STAB1: variants seen among roughly 807,000 people sequenced by gnomAD.
The protein encoded by STAB1 is stabilin-1.
Under a neutral mutation model 332.4 loss-of-function variants are expected in STAB1, and 250 were observed. That is an observed-to-expected ratio of 0.75 (90% CI 0.68 to 0.84). The LOEUF is 0.84. Ranked by LOEUF, STAB1 falls within the 40% of genes least tolerant of loss-of-function variation. The pLI is 0.00. For synonymous variants in STAB1, 1,475 were observed against 1,390.4 expected (o/e 1.06, Z -1.35); for missense variants, 3,249 against 3,489.7 (o/e 0.93, Z 1.74).
chr3:52,523,534 C>G lies in STAB1; in HGVS notation c.7248C>G (p.Ile2416Met), dbSNP rs751391474. ...LLPAHSGLSL[I>M]ISDAGPDNSS... ...CGGCCCACTCAGGCCTCAGCCTCAT[C>G]ATCAGTGACGCAGGCCCTGACAACA... Residue 2416 changes from isoleucine to methionine, a missense_variant, in exon 65 of 69, where the codon ATC becomes ATG. By Grantham distance (10) the Ile-to-Met change is conservative. Transcript: ENST00000321725. The G allele has an allele frequency of 1.2e-6, 2 of 1,612,928 alleles. No homozygotes were observed. Among genetic ancestry groups the G allele is most frequent in the Non-Finnish European group, 1.7e-6 (2 of 1,180,000 alleles).
chr3:52,522,256 C>A, intron 59 of STAB1, 26 bp downstream of exon 59: 5 of 1,611,750 alleles, frequency 3.1e-6, no homozygotes, highest in Non-Finnish European at 4.2e-6. Context: ...AACCGAGTAG[C>A]CAGGGTGGGG....
chr3:52,514,112 T>A lies in STAB1; in HGVS notation c.3448-3T>A. 1.9e-6 allele frequency: 3 copies of A among 1,613,064 alleles called. No homozygotes were observed. The highest frequency in any genetic ancestry group is 2.5e-6 in the Non-Finnish European group (3 of 1,179,712). On this transcript the variant is annotated splice_polypyrimidine_tract_variant and splice_region_variant and intron_variant, in intron 32 of 68. Coordinates refer to ENST00000321725, the MANE Select transcript of STAB1 (RefSeq NM_015136.3). Reference sequence around the variant, plus strand: ...CCATCCCTGACCTCCACCCCATCCCTAGCACCATGGGTTGGTGCCCCAGAT... The same window carrying A: ...CCATCCCTGACCTCCACCCCATCCCAAGCACCATGGGTTGGTGCCCCAGAT...
chr3:52,522,252 G>T, intron 59 of STAB1, 22 bp downstream of exon 59: 1 of 1,611,844 alleles, frequency 6.2e-7, no homozygotes, highest in South Asian at 1.1e-5. Context: ...GGGGAACCGA[G>T]TAGCCAGGGT....
rs760225990 is a variant in STAB1 at position 52,513,909 on chromosome 3, G to T, written c.3375G>T (p.Val1125=). ...SQVLLPPRGD[V]PGGQGLLQQL... ...TCTTACTGCCCCCCCGAGGGGATGT[G>T]CCCGGTGGGCAGGGGTTGCTGCAGC... Residue 1125 remains valine (V), a synonymous_variant, in exon 32 of 69, where the codon GTG becomes GTT. Transcript: ENST00000321725. The T allele has an allele frequency of 2.5e-6, 4 of 1,604,932 alleles. No individual in the cohort carries two copies. In the African/African-American group the frequency reaches 4.0e-5, roughly 16 times the overall value.
Position 52,524,368 on chromosome 3 carries a change from C to A in STAB1, c.*12C>A. 6.2e-7 allele frequency: 1 copy of A among 1,613,622 alleles called. No homozygotes were observed. The highest frequency in any genetic ancestry group is 8.5e-7 in the Non-Finnish European group (1 of 1,179,968). ...TCACAGTCAAGTGACGAGGCTGGGG[C>A]TGAAAGCAGAAGCATGCACAGGGAG... On this transcript the variant is annotated 3_prime_UTR_variant, in exon 69 of 69. Coordinates refer to ENST00000321725, the MANE Select transcript of STAB1 (RefSeq NM_015136.3).
Position 52,513,216 on chromosome 3 carries a change from G to C in STAB1, c.3245G>C (p.Arg1082Pro). ...QEVATLNPTT[R>P]WEIRNISGRV... ...GTGGCCACCCTGAACCCCACCACAC[G>C]CTGGGAGATTCGCAACATTAGTGGG... is the stretch of plus-strand genomic sequence containing the variant. The change falls in exon 30 of 69, where the codon CGC (arginine) becomes CCC (proline). Residue 1082 changes from arginine to proline, a missense_variant. Physicochemically the swap from Arg to Pro is moderately radical, Grantham distance 103 (BLOSUM62 -2). Transcript: ENST00000321725. 2 of 1,583,598 alleles carry C rather than the reference G, an allele frequency of 1.3e-6. No individual in the cohort carries two copies. Among genetic ancestry groups the C allele is most frequent in the Non-Finnish European group, 1.7e-6 (2 of 1,165,662 alleles).
chr3:52,517,468 C>CGG, intron 43 of STAB1, 75 bp downstream of exon 43: 1 of 1,580,774 alleles, frequency 6.3e-7, no homozygotes, highest in South Asian at 1.2e-5. Context: ...AGGGCAGGCC[C>CGG]GGGGAGGGGG....
At chr3:52,509,732 G>C in intron 22 of STAB1, 138 bp from the exon 23 acceptor site, 1 of 859,966 alleles carries the variant, frequency 1.2e-6, no homozygotes, top group Admixed American at 2.5e-5. Flanking sequence ...TTGAGTCTGA[G>C]ATAACCTCTG....
chr3:52,497,629 T>G (rs1353541180), intron 1 of STAB1, among the ~76,000 whole-genome samples: 3 of 151,888 alleles, frequency 2.0e-5, no homozygotes, highest in Non-Finnish European at 2.9e-5. Context: ...GCCAGCCTGG[T>G]CTCGAACTCC....
intron 44 of STAB1, 44 bp from the exon 45 acceptor site, chr3:52,517,837 G>C (rs2078925666): frequency 6.2e-7 from 1 of 1,611,554 alleles, no homozygotes; most frequent in African/African-American, 1.3e-5. Flanking sequence ...GGATAGAGAA[G>C]TAGTGAAAGC....
intron 1 of STAB1, among the ~76,000 whole-genome samples, chr3:52,498,895 C>T (rs1050894783): frequency 1.3e-5 from 2 of 152,338 alleles, no homozygotes; most frequent in Middle Eastern, 3.4e-3. Flanking sequence ...CCAGCTCCGC[C>T]GTTCAACACA....
At chr3:52,507,839 C>A in intron 19 of STAB1, 92 bp from the exon 20 acceptor site, 1 of 1,463,860 alleles carries the variant, frequency 6.8e-7, no homozygotes, top group South Asian at 1.2e-5. Flanking sequence ...GTTCTGGACC[C>A]AGGGGGCAGA....
At position 52,513,708 on chromosome 3, in the gene STAB1, G is replaced by C; in HGVS notation, c.3271-9G>C. On this transcript the variant is annotated splice_polypyrimidine_tract_variant and intron_variant, in intron 30 of 68. Coordinates refer to ENST00000321725, the MANE Select transcript of STAB1 (RefSeq NM_015136.3). Reference sequence around the variant, plus strand: ...CCACCTGTGGCTAAGCTCTGCTGCTGCCTTCCAGAGGGTCTGGGTGCAGAA... The same window carrying C: ...CCACCTGTGGCTAAGCTCTGCTGCTCCCTTCCAGAGGGTCTGGGTGCAGAA... 6.2e-7 allele frequency: 1 copy of C among 1,612,242 alleles called. No homozygotes were observed. The highest frequency in any genetic ancestry group is 8.5e-7 in the Non-Finnish European group (1 of 1,179,750).
Position 52,520,626 on chromosome 3 carries a change from C to T in STAB1, c.5650-16C>T. The T allele has an allele frequency of 1.9e-6, 3 of 1,612,924 alleles. No homozygotes were observed. Among genetic ancestry groups the T allele is most frequent in the South Asian group, 1.1e-5 (1 of 91,082 alleles). The stretch of plus-strand genomic sequence containing the variant: ...CATCCACCTGACTTTGCTGTATTGG[C>T]CTCCCTCCCTTCCAGAACACCTGCA... On this transcript the variant is annotated splice_polypyrimidine_tract_variant and intron_variant, in intron 53 of 68. Coordinates refer to ENST00000321725, the MANE Select transcript of STAB1 (RefSeq NM_015136.3).
In STAB1 at chr3:52,508,323, TG is replaced by T. The variant is rs781365141; in HGVS notation, c.2204del (p.Gly735AlafsTer178). On this transcript the variant is annotated frameshift_variant, in exon 21 of 69. Coordinates refer to ENST00000321725, the MANE Select transcript of STAB1 (RefSeq NM_015136.3). LOFTEE classifies it high-confidence loss of function. The stretch of plus-strand genomic sequence containing the variant: ...TCGGGCCTGACTGCACGCAGTGTCC[TG>T]GGGGCTTCTCCAACCCCTGCTATGG... ...FFGPDCTQCP[G>X]GFSNPCYGKG... 2.2e-5 allele frequency: 36 copies of T among 1,613,866 alleles called. No individual in the cohort carries two copies. Among genetic ancestry groups the T allele is most frequent in the Non-Finnish European group, 2.6e-5 (31 of 1,180,006 alleles).
In STAB1 at chr3:52,501,509, C is replaced by T. The variant is rs1578353144; in HGVS notation, c.216-129C>T. 3.6e-6 allele frequency: 4 copies of T among 1,104,132 alleles called. No homozygotes were observed. The East Asian group carries it at 1.0e-4, about 29-fold the overall frequency. The allele number at this position is 1,104,132 out of a possible 1,614,324, so 68.4% of individuals were successfully genotyped here. A position where few individuals can be genotyped will look rare whatever the true frequency, so the allele number is the denominator to read the frequency against. ...TATGGGGCACCTGCTATGTGCTAGGCCCTGTGCTCAGCTCTGGGCCAGGCA... is the reference window on the plus strand; with the variant it reads ...TATGGGGCACCTGCTATGTGCTAGGTCCTGTGCTCAGCTCTGGGCCAGGCA... On this transcript the variant is annotated intron_variant, in intron 2 of 68. Transcript: ENST00000321725.
intron 30 of STAB1, 47 bp from the exon 31 acceptor site, chr3:52,513,670 G>A: frequency 6.3e-7 from 1 of 1,582,116 alleles, no homozygotes; most frequent in Non-Finnish European, 8.6e-7. Flanking sequence ...CACCTTTAAG[G>A]GTCTATCTGT....
At position 52,523,717 on chromosome 3, in the gene STAB1, C is replaced by G; in HGVS notation, c.7356C>G (p.Ile2452Met). 2 of 1,606,892 alleles carry G rather than the reference C, an allele frequency of 1.2e-6. No homozygotes were observed. Among genetic ancestry groups the G allele is most frequent in the South Asian group, 2.2e-5 (2 of 91,008 alleles). ...ACATCATGGCCTTCAATGGCATCAT[C>G]CATGCTCTGGCCAGCCCCCTCCTGG... ...VWDIMAFNGI[I>M]HALASPLLAP... Residue 2452 changes from isoleucine (I) to methionine (M), a missense_variant, in exon 66 of 69, where the codon ATC becomes ATG. Coordinates refer to ENST00000321725, the MANE Select transcript of STAB1 (RefSeq NM_015136.3).
At position 52,508,361 on chromosome 3, in the gene STAB1, T is replaced by A; in HGVS notation, c.2235+2T>A. On this transcript the variant is annotated splice_donor_variant, in intron 21 of 68. Transcript: ENST00000321725. LOFTEE classifies it high-confidence loss of function. ...AACCCCTGCTATGGCAAAGGCAATG[T>A]GAGTCCCATCCTCTCCTGGGGTGAG... 6.2e-7 allele frequency: 1 copy of A among 1,613,634 alleles called. No individual in the cohort carries two copies. Among genetic ancestry groups the A allele is most frequent in the Non-Finnish European group, 8.5e-7 (1 of 1,179,966 alleles).
Sources: allele counts gnomAD v4.1 joint callset (sites outside exome capture counted in the v4.1 genomes callset), GRCh38; gene constraint gnomAD v4.1.1; transcripts MANE v1.5; gene names NCBI Gene and HGNC (gene_info 2026-07-23, HGNC 2026-07-21).